The following ABCC4 variants were observed in gnomAD, a reference collection of about 807,000 sequenced individuals.
The protein encoded by ABCC4 is ATP binding cassette subfamily C member 4 (PEL blood group).
Under a neutral mutation model 168.5 loss-of-function variants are expected in ABCC4, and 102 were observed. The ratio of observed to expected loss-of-function variants is 0.61; its 90% CI spans 0.52 to 0.71. ABCC4 has a LOEUF of 0.71. Among genes scored for constraint, ABCC4 ranks in the 30% least tolerant of loss-of-function variants. The probability of loss-of-function intolerance (pLI) is 0.00; values close to 1 mark genes in which losing one functional copy is unlikely to be tolerated. For synonymous variants in ABCC4, 617 were observed against 590.7 expected, an observed-to-expected ratio of 1.04 and a Z score of -0.65; for missense variants, 1,402 against 1,605.8, an observed-to-expected ratio of 0.87 and a Z score of 2.17.
chr13:95,191,636 G>A (rs569946760), intron 9 of ABCC4, among the ~76,000 whole-genome samples: 5 of 152,246 alleles, frequency 3.3e-5, no homozygotes, highest in South Asian at 2.1e-4. Flanking sequence ...AAAATGTAAC[G>A]GGTCTACTCT....
chr13:95,228,267 G>A (rs772246947), intron 4 of ABCC4, among the ~76,000 whole-genome samples: 3 of 152,134 alleles, frequency 2.0e-5, no homozygotes, highest in African/African-American at 4.8e-5. Flanking sequence ...CACCATCAGC[G>A]CATGACGGTG....
rs749794429 is a variant in ABCC4 at position 95,247,060 on chromosome 13, T to C, written c.221A>G (p.Asp74Gly). 4 of 1,613,718 alleles carry C rather than the reference T, an allele frequency of 2.5e-6. No homozygotes were observed. The highest frequency in any genetic ancestry group is 1.7e-6 in the Non-Finnish European group (2 of 1,179,616). The stretch of plus-strand genomic sequence containing the variant: ...TCTTGTTAAAGAAGGCTTCTGTGCG[T>C]CATTCTCAGCTCTTAAAACTTCTTT... The part of the protein sequence containing the change: ...WDKEVLRAEN[D>G]AQKPSLTRAI... The change falls in exon 3 of 31, where the codon GAC becomes GGC. Residue 74 changes from aspartate (D) to glycine (G), a missense_variant. By Grantham distance (94) the Asp-to-Gly change is moderately conservative. Coordinates refer to ENST00000645237, the MANE Select transcript of ABCC4 (RefSeq NM_005845.5).
chr13:95,293,723 C>A (rs1594457059), intron 1 of ABCC4, among the ~76,000 whole-genome samples: 1 of 151,616 alleles, frequency 6.6e-6, no homozygotes, highest in Admixed American at 6.6e-5. Context: ...CCTCGGCCTC[C>A]CAAAGTGCTG....
intron 8 of ABCC4, among the ~76,000 whole-genome samples, chr13:95,201,009 G>C (rs1314737248): frequency 6.6e-6 from 1 of 152,158 alleles, no homozygotes; most frequent in African/African-American, 2.4e-5. Context: ...TACCAGTCAT[G>C]CCTGGCCATT....
At chr13:95,059,557 A>G (rs1337143241) in intron 26 of ABCC4, among the ~76,000 whole-genome samples, 1 of 152,192 alleles carries the variant, frequency 6.6e-6, no homozygotes, top group Non-Finnish European at 1.5e-5. Flanking sequence ...GGGTGGGGGA[A>G]AGCCAGAAAA....
At chr13:95,038,937 T>C (rs886893423) in intron 29 of ABCC4, among the ~76,000 whole-genome samples, 3 of 152,078 alleles carry the variant, frequency 2.0e-5, no homozygotes, top group African/African-American at 7.2e-5. Context: ...TTGATGGCTA[T>C]AGACAAGAGA....
chr13:95,092,872 A>G (rs1026700568), intron 20 of ABCC4, among the ~76,000 whole-genome samples: 6 of 151,600 alleles, frequency 4.0e-5, no homozygotes, highest in African/African-American at 1.2e-4. Flanking sequence ...ATTAACTGAC[A>G]CCACTGAAAT....
chr13:95,238,460 C>T (rs181422479), intron 3 of ABCC4, among the ~76,000 whole-genome samples: 8 of 152,234 alleles, frequency 5.3e-5, no homozygotes, highest in Non-Finnish European at 8.8e-5. Context: ...TCCCCATCCC[C>T]GGAAGATTCT....
At chr13:95,209,952 C>T (rs944910341) in intron 5 of ABCC4, among the ~76,000 whole-genome samples, 2 of 152,238 alleles carry the variant, frequency 1.3e-5, no homozygotes, top group Non-Finnish European at 2.9e-5. Context: ...ACCTGTACTA[C>T]AGTGCCCACC....
At chr13:95,286,198 C>T (rs1594443955) in intron 1 of ABCC4, among the ~76,000 whole-genome samples, 1 of 134,056 alleles carries the variant, frequency 7.5e-6, no homozygotes, top group Non-Finnish European at 1.6e-5. Context: ...CGGCTCACTG[C>T]AACCTCCGCC....
At chr13:95,127,148 C>T (rs975688371) in intron 19 of ABCC4, among the ~76,000 whole-genome samples, 11 of 151,990 alleles carry the variant, frequency 7.2e-5, no homozygotes, top group Non-Finnish European at 1.2e-4. Flanking sequence ...CACACCATGG[C>T]GTTCACCAGT....
intron 29 of ABCC4, among the ~76,000 whole-genome samples, chr13:95,035,417 T>G (rs17268038): frequency 0.045 from 6,845 of 152,268 alleles, 323 homozygotes; most frequent in Non-Finnish European, 0.05. Flanking sequence ...GCATAATTGC[T>G]CTCTGCACAG....
chr13:95,210,716 G>A lies in ABCC4; in HGVS notation c.597C>T (p.Ser199=). 1 of 1,614,140 alleles carries A rather than the reference G, an allele frequency of 6.2e-7. No homozygotes were observed. Among genetic ancestry groups the A allele is most frequent in the Non-Finnish European group, 8.5e-7 (1 of 1,179,990 alleles). ...CCTGATCAAACTTGTTCACATCATT[G>A]GACAGCAGATTGACTATCTGGCCTG... The part of the protein sequence containing the change: ...TTTGQIVNLL[S]NDVNKFDQVT... The change falls in exon 5 of 31, where the codon TCC becomes TCT. Residue 199 remains serine (S), a synonymous_variant. Transcript: ENST00000645237.
At chr13:95,223,521 T>C (rs1402538845) in intron 4 of ABCC4, among the ~76,000 whole-genome samples, 1 of 152,212 alleles carries the variant, frequency 6.6e-6, no homozygotes, top group Non-Finnish European at 1.5e-5. Context: ...GTTTGTTTTT[T>C]GAGAAAGAGT....
intron 30 of ABCC4, among the ~76,000 whole-genome samples, chr13:95,022,062 G>A (rs1259821263): frequency 2.0e-5 from 3 of 152,150 alleles, no homozygotes; most frequent in Middle Eastern, 3.2e-3. Flanking sequence ...ATTTTCACAC[G>A]TAAAATGAGC....
At chr13:95,215,343 G>A (rs554119682) in intron 4 of ABCC4, among the ~76,000 whole-genome samples, 2 of 152,100 alleles carry the variant, frequency 1.3e-5, no homozygotes, top group Non-Finnish European at 2.9e-5. Flanking sequence ...GGAGGTTGCA[G>A]TGAGCCAAGA....
chr13:95,024,462 CT>C (rs1389429173), intron 30 of ABCC4, among the ~76,000 whole-genome samples: 1 of 152,142 alleles, frequency 6.6e-6, no homozygotes, highest in Non-Finnish European at 1.5e-5. Context: ...TATTTAAACT[CT>C]AACTCATCAG....
intron 29 of ABCC4, among the ~76,000 whole-genome samples, chr13:95,043,014 C>T (rs1023032777): frequency 1.3e-5 from 2 of 152,190 alleles, no homozygotes; most frequent in Non-Finnish European, 2.9e-5. Flanking sequence ...AAGTAATCTG[C>T]CTGCCTCGGC....
At chr13:95,043,610 T>C (rs2032452871) in intron 29 of ABCC4, 72 bp downstream of exon 29, 1 of 1,343,460 alleles carries the variant, frequency 7.4e-7, no homozygotes. Flanking sequence ...TATCAAGTTT[T>C]ACAAGGAAGG....
Sources: allele counts gnomAD v4.1 joint callset (sites outside exome capture counted in the v4.1 genomes callset), GRCh38; gene constraint gnomAD v4.1.1; transcripts MANE v1.5; gene names NCBI Gene and HGNC (gene_info 2026-07-23, HGNC 2026-07-21).